Variants in EXOC5 observed in about 807,000 individuals in gnomAD.
The protein encoded by EXOC5 is SEC10-like 1.
A neutral mutation model predicts 90.8 loss-of-function variants in EXOC5; 17 were observed. That is an observed-to-expected ratio of 0.19 (90% CI 0.13 to 0.28). The LOEUF (loss-of-function observed/expected upper bound fraction) is 0.28, where lower values mean the gene tolerates loss of function less well. Among genes scored for constraint, EXOC5 ranks in the 10% least tolerant of loss-of-function variants. The pLI is 1.00. For missense variants in EXOC5, 569 were observed against 830.6 expected (o/e 0.69, Z 3.87); for synonymous variants, 260 against 270.0 (o/e 0.96, Z 0.36).
Position 57,248,694 on chromosome 14 carries a change from C to G in EXOC5, c.28-982G>C, listed in dbSNP as rs540340513. On this transcript the variant is annotated intron_variant, in intron 1 of 17. Transcript: ENST00000621441. Reference sequence around the variant, plus strand: ...ATACCACATATTGCCTCCTACCTAGCATGTAACTTAAACTAGTTGGTGATT... The same window carrying G: ...ATACCACATATTGCCTCCTACCTAGGATGTAACTTAAACTAGTTGGTGATT... Among the ~76,000 whole-genome samples the G allele has an allele frequency of 1.2e-4, 19 of 152,160 alleles. No individual in the cohort carries two copies. In the South Asian group the frequency reaches 3.3e-3, roughly 27 times the overall value.
At position 57,247,005 on chromosome 14, in the gene EXOC5, A is replaced by G. The variant is rs565540955; in HGVS notation, c.123-147T>C. Reference sequence around the variant, plus strand: ...AATTTTTTCTATAGCATCTTGTTAGAAATTTCTTCATCAAAAGATAAAGTC... The same window carrying G: ...AATTTTTTCTATAGCATCTTGTTAGGAATTTCTTCATCAAAAGATAAAGTC... On this transcript the variant is annotated intron_variant, in intron 2 of 17. Transcript: ENST00000621441. 7 of 561,908 alleles carry G rather than the reference A, an allele frequency of 1.2e-5. No homozygotes were observed. The East Asian group carries it at 1.9e-4, about 15-fold the overall frequency. 34.8% of individuals were successfully genotyped at this position (561,908 alleles called of 1,614,324 possible).
rs1882484675 is a variant in EXOC5, at chr14:57,201,070, C to T, written c.*7539G>A. 6.6e-6 allele frequency: 1 copy of T among 151,810 alleles called. No homozygotes were observed. The highest frequency in any genetic ancestry group is 6.6e-5 in the Admixed American group (1 of 15,224). The allele number at this position is 151,810 out of a possible 1,614,324, so 9.4% of individuals were successfully genotyped here. On this transcript the variant is annotated 3_prime_UTR_variant, in exon 18 of 18. Coordinates refer to ENST00000621441, the MANE Select transcript of EXOC5 (RefSeq NM_006544.4). Reference sequence around the variant, plus strand: ...GTGTGTGTGTATGCACACATAAAGCCCCCTAGCATTATCTATTGAGAAAGA... The same window carrying T: ...GTGTGTGTGTATGCACACATAAAGCTCCCTAGCATTATCTATTGAGAAAGA...
intron 12 of EXOC5, among the ~76,000 whole-genome samples, chr14:57,222,697 C>CATAT (rs145170163): frequency 1.4e-4 from 20 of 145,204 alleles, no homozygotes; most frequent in African/African-American, 3.5e-4. Flanking sequence ...TGTATACCCC[C>CATAT]ATATATATAT....
intron 3 of EXOC5, among the ~76,000 whole-genome samples, chr14:57,245,224 G>A (rs960124198): frequency 6.6e-6 from 1 of 151,994 alleles, no homozygotes; most frequent in Non-Finnish European, 1.5e-5. Flanking sequence ...TGAATGCCTT[G>A]TAATTGCCAA....
At chr14:57,220,347 CAT>C (rs1234662927) in intron 13 of EXOC5, among the ~76,000 whole-genome samples, 1 of 151,830 alleles carries the variant, frequency 6.6e-6, no homozygotes, top group African/African-American at 2.4e-5. Context: ...TAATGAAAGA[CAT>C]AAAAATTAAG....
intron 1 of EXOC5, among the ~76,000 whole-genome samples, chr14:57,251,578 A>C (rs911385612): frequency 3.9e-5 from 6 of 152,180 alleles, no homozygotes; most frequent in Non-Finnish European, 8.8e-5. Context: ...TATATTAAAA[A>C]ATAAAGATCT....
At chr14:57,250,911 C>T (rs1019607309) in intron 1 of EXOC5, among the ~76,000 whole-genome samples, 5 of 152,176 alleles carry the variant, frequency 3.3e-5, no homozygotes, top group Non-Finnish European at 5.9e-5. Flanking sequence ...GCAGACCGTA[C>T]AGTCTCTGTT....
At chr14:57,251,341 C>T (rs1192610722) in intron 1 of EXOC5, among the ~76,000 whole-genome samples, 1 of 152,200 alleles carries the variant, frequency 6.6e-6, no homozygotes, top group African/African-American at 2.4e-5. Context: ...CTTCAGACCA[C>T]AGAGGCATAA....
chr14:57,238,371 TATATACACACACACAC>T (rs1829731769), intron 5 of EXOC5, among the ~76,000 whole-genome samples: 1 of 97,268 alleles, frequency 1.0e-5, no homozygotes, highest in South Asian at 3.8e-4. Context: ...TATATATATA[TATATACACACACACAC>T]ACACACACAC....
intron 3 of EXOC5, among the ~76,000 whole-genome samples, chr14:57,244,746 T>A (rs1262180434): frequency 6.6e-6 from 1 of 151,928 alleles, no homozygotes; most frequent in Non-Finnish European, 1.5e-5. Context: ...GAATAAAAAA[T>A]ATGTCAGTAG....
rs1338042963 is a variant in EXOC5 at position 57,208,479 on chromosome 14, A to C, written c.*130T>G. ...GTAAGTATGGCTGCTGTTTTGTTCC[A>C]GTCATTGTTTCACAAAATGTTGGCT... On this transcript the variant is annotated 3_prime_UTR_variant, in exon 18 of 18. Coordinates refer to ENST00000621441, the MANE Select transcript of EXOC5 (RefSeq NM_006544.4). 1.7e-6 allele frequency: 1 copy of C among 581,344 alleles called. No individual in the cohort carries two copies. The highest frequency in any genetic ancestry group is 1.8e-5 in the African/African-American group (1 of 55,448). The allele number at this position is 581,344 out of a possible 1,614,324, so 36.0% of individuals were successfully genotyped here.
Position 57,222,293 on chromosome 14 carries a change from C to A in EXOC5, c.1405+15G>T, listed in dbSNP as rs777812828. On this transcript the variant is annotated intron_variant, in intron 13 of 17. Coordinates refer to ENST00000621441, the MANE Select transcript of EXOC5 (RefSeq NM_006544.4). ...TCAAAAGAATTTAACACAAGTGTAA[C>A]ACAAATATACTTACCAGCAAGTCCT... is the stretch of plus-strand genomic sequence containing the variant. 3.2e-5 allele frequency: 40 copies of A among 1,262,796 alleles called. No homozygotes were observed. The Admixed American group carries it at 6.6e-4, about 21-fold the overall frequency. The allele number at this position is 1,262,796 out of a possible 1,614,324, so 78.2% of individuals were successfully genotyped here. A position where few individuals can be genotyped will look rare whatever the true frequency, so the allele number is the denominator to read the frequency against.
chr14:57,256,977 A>G (rs1884365940), intron 1 of EXOC5, among the ~76,000 whole-genome samples: 1 of 152,134 alleles, frequency 6.6e-6, no homozygotes, highest in Admixed American at 6.6e-5. Context: ...CTTCCTAATA[A>G]ATATTCTGCA....
At chr14:57,232,000 G>T (rs1594662614) in intron 10 of EXOC5, 1 of 297,026 alleles carries the variant, frequency 3.4e-6, no homozygotes, top group South Asian at 4.5e-5. Context: ...GTGGCAGATT[G>T]GCCTCAAGTA....
intron 1 of EXOC5, among the ~76,000 whole-genome samples, chr14:57,265,041 A>C (rs1309662979): frequency 6.6e-6 from 1 of 152,098 alleles, no homozygotes; most frequent in Non-Finnish European, 1.5e-5. Flanking sequence ...GGGGAAATGG[A>C]CTTCTCATCA....
chr14:57,236,235 G>A (rs2139641896), intron 6 of EXOC5, among the ~76,000 whole-genome samples: 2 of 151,126 alleles, frequency 1.3e-5, no homozygotes, highest in South Asian at 4.2e-4. Context: ...ACTGATGACT[G>A]AACACCAAAT....
At chr14:57,248,301 A>T (rs1159087052) in intron 1 of EXOC5, among the ~76,000 whole-genome samples, 1 of 152,014 alleles carries the variant, frequency 6.6e-6, no homozygotes, top group African/African-American at 2.4e-5. Flanking sequence ...ATGAATGCAA[A>T]AATCTCTGCA....
chr14:57,234,991 A>G (rs1469022054), intron 7 of EXOC5, among the ~76,000 whole-genome samples: 1 of 152,172 alleles, frequency 6.6e-6, no homozygotes, highest in Non-Finnish European at 1.5e-5. Context: ...TTTGTCATTA[A>G]GCTCACCATA....
At chr14:57,215,241 A>G (rs923769802) in intron 15 of EXOC5, among the ~76,000 whole-genome samples, 11 of 152,132 alleles carry the variant, frequency 7.2e-5, no homozygotes, top group Non-Finnish European at 5.9e-5. Context: ...CAAAAAAAAA[A>G]AAGAAGAAGA....
Sources: gnomAD v4.1 joint callset for allele counts (sites outside exome capture counted in the v4.1 genomes callset) on GRCh38, gnomAD v4.1.1 for gene constraint, MANE v1.5 for transcripts, NCBI Gene and HGNC (gene_info 2026-07-23, HGNC 2026-07-21) for gene names.